HYAL4: variants seen among roughly 807,000 people sequenced by gnomAD.
HYAL4 encodes hyaluronidase-4.
In HYAL4, 37 loss-of-function variants were observed where a neutral mutation model predicts 35.2. The observed-to-expected ratio is 1.05, with a 90% confidence interval of 0.81 to 1.38. HYAL4 has a LOEUF of 1.38. Ranked by LOEUF, HYAL4 falls within the 40% of genes most tolerant of loss-of-function variation. HYAL4 has a pLI of 0.00. For synonymous variants in HYAL4, 198 were observed against 203.2 expected (o/e 0.97, Z 0.22); for missense variants, 572 against 572.4 (o/e 1.00, Z 0.01).
the HYAL4 span, among the ~76,000 whole-genome samples, chr7:123,810,712 G>A: frequency 2.0e-5 from 3 of 152,060 alleles, no homozygotes; most frequent in East Asian, 3.9e-4. Context: ...TTCACTCTTC[G>A]TGTTGTGCAT....
chr7:123,833,400 G>A (rs922383252), intron 1 of HYAL4, among the ~76,000 whole-genome samples: 7 of 42,952 alleles, frequency 1.6e-4, no homozygotes, highest in African/African-American at 5.9e-4. Flanking sequence ...TTCTATTCAT[G>A]TCCTAGCCCA....
intron 3 of HYAL4, among the ~76,000 whole-genome samples, chr7:123,873,460 A>C (rs1806936515): frequency 6.6e-6 from 1 of 151,958 alleles, no homozygotes; most frequent in Non-Finnish European, 1.5e-5. Context: ...TGAGTGTTAG[A>C]CAATAAAAGT....
chr7:123,836,526 A>G (rs755012213), intron 1 of HYAL4, among the ~76,000 whole-genome samples: 27 of 152,140 alleles, frequency 1.8e-4, no homozygotes, highest in Admixed American at 6.5e-5. Flanking sequence ...GTAAAATCTT[A>G]TCCATTCTGC....
chr7:123,794,635 T>C, the HYAL4 span, among the ~76,000 whole-genome samples: 7 of 152,208 alleles, frequency 4.6e-5, no homozygotes, highest in Non-Finnish European at 1.0e-4. Context: ...GCAGCTTACA[T>C]GTGGTTTTGA....
At chr7:123,780,098 G>A in the HYAL4 span, among the ~76,000 whole-genome samples, 2 of 152,068 alleles carry the variant, frequency 1.3e-5, no homozygotes, top group African/African-American at 4.8e-5. Context: ...TATAACACCT[G>A]TAATAACAGT....
chr7:123,806,164 A>G, the HYAL4 span, among the ~76,000 whole-genome samples: 1 of 152,202 alleles, frequency 6.6e-6, no homozygotes, highest in Non-Finnish European at 1.5e-5. Context: ...GGCTGGCATA[A>G]TAGTACATAC....
At chr7:123,806,508 A>T in the HYAL4 span, among the ~76,000 whole-genome samples, 1 of 151,388 alleles carries the variant, frequency 6.6e-6, no homozygotes, top group Non-Finnish European at 1.5e-5. Flanking sequence ...CAATGGTGGG[A>T]TCTTGGCTCA....
chr7:123,848,449 G>A (rs887310385), intron 2 of HYAL4, among the ~76,000 whole-genome samples: 10 of 151,942 alleles, frequency 6.6e-5, no homozygotes, highest in African/African-American at 2.2e-4. Context: ...ACTACTCAAG[G>A]CTTTCTTCAT....
At chr7:123,814,805 T>A in the HYAL4 span, 1 of 152,622 alleles carries the variant, frequency 6.6e-6, no homozygotes, top group Middle Eastern at 3.2e-3. Flanking sequence ...TCCAGAGACG[T>A]ACACAGGTAA....
At chr7:123,766,756 A>G in the HYAL4 span, among the ~76,000 whole-genome samples, 2 of 152,214 alleles carry the variant, frequency 1.3e-5, no homozygotes, top group Non-Finnish European at 2.9e-5. Flanking sequence ...GTTTTCCAGA[A>G]ATATTGACAT....
chr7:123,796,221 T>C, the HYAL4 span, among the ~76,000 whole-genome samples: 2 of 152,184 alleles, frequency 1.3e-5, 1 homozygote. Context: ...TTAGACATCA[T>C]GGGAACAGAC....
At chr7:123,828,982 C>T (rs1254271668), upstream of HYAL4, 1 of 152,632 alleles carries the variant, frequency 6.6e-6, no homozygotes, top group African/African-American at 2.4e-5. Flanking sequence ...GTGCAGCAAT[C>T]TATCCGAGGG....
intron 2 of HYAL4, among the ~76,000 whole-genome samples, chr7:123,860,554 A>C (rs1806555617): frequency 6.6e-6 from 1 of 152,230 alleles, no homozygotes; most frequent in African/African-American, 2.4e-5. Context: ...TGTCCTTATC[A>C]ATATGTAGAA....
At chr7:123,871,773 T>G (rs142861366) in intron 3 of HYAL4, among the ~76,000 whole-genome samples, 1 of 152,258 alleles carries the variant, frequency 6.6e-6, no homozygotes, top group African/African-American at 2.4e-5. Context: ...TATGAAAACT[T>G]GAAGCTCTAC....
Position 123,877,190 on chromosome 7 carries a change from A to C in HYAL4, c.*35A>C. 3 of 1,558,670 alleles carry C rather than the reference A, an allele frequency of 1.9e-6. No homozygotes were observed. Among genetic ancestry groups the C allele is most frequent in the Non-Finnish European group, 2.6e-6 (3 of 1,154,482 alleles). Reference sequence around the variant, plus strand: ...GTTTAAAGGGAATTGTGTGGCCTCTAGCCTAGTCATTTAAAGAAGGATGTA... The same window carrying C: ...GTTTAAAGGGAATTGTGTGGCCTCTCGCCTAGTCATTTAAAGAAGGATGTA... On this transcript the variant is annotated 3_prime_UTR_variant, in exon 5 of 5. Coordinates refer to ENST00000223026, the MANE Select transcript of HYAL4 (RefSeq NM_012269.3).
At chr7:123,805,989 C>T in the HYAL4 span, among the ~76,000 whole-genome samples, 6 of 151,350 alleles carry the variant, frequency 4.0e-5, no homozygotes, top group Admixed American at 1.3e-4. Flanking sequence ...AGGGAGACTC[C>T]GTCCGAAAAA....
the HYAL4 span, among the ~76,000 whole-genome samples, chr7:123,799,221 C>T: frequency 6.6e-6 from 1 of 150,426 alleles, no homozygotes; most frequent in Non-Finnish European, 1.5e-5. Context: ...TCCTCTCTTT[C>T]TTCTCCTTAT....
intron 3 of HYAL4, among the ~76,000 whole-genome samples, chr7:123,870,684 C>CG (rs1806854621): frequency 6.6e-6 from 1 of 150,632 alleles, no homozygotes; most frequent in Non-Finnish European, 1.5e-5. Context: ...TGCTTGAACT[C>CG]GGGAGGCAGA....
At chr7:123,862,979 C>T (rs890805751) in intron 2 of HYAL4, among the ~76,000 whole-genome samples, 3 of 152,216 alleles carry the variant, frequency 2.0e-5, no homozygotes, top group Admixed American at 1.3e-4. Flanking sequence ...TCTTTAGAGA[C>T]AGCAGACATG....
Sources: allele counts gnomAD v4.1 joint callset (sites outside exome capture counted in the v4.1 genomes callset), GRCh38; gene constraint gnomAD v4.1.1; transcripts MANE v1.5; gene names NCBI Gene and HGNC (gene_info 2026-07-23, HGNC 2026-07-21).